NELL1: variants seen among roughly 807,000 people sequenced by gnomAD.
NELL1 encodes the protein protein kinase C-binding protein NELL1.
NELL1 carries 76 observed loss-of-function variants against 107.4 expected under a neutral mutation model. That is an observed-to-expected ratio of 0.71 (90% CI 0.59 to 0.86). The LOEUF is 0.86. NELL1 is among the 40% of genes least tolerant of loss of function. NELL1 has a pLI of 0.00. For synonymous variants in NELL1, 353 were observed against 341.2 expected (o/e 1.03, Z -0.38); for missense variants, 1,024 against 1,005.5 (o/e 1.02, Z -0.25).
intron 14 of NELL1, among the ~76,000 whole-genome samples, chr11:21,247,514 T>C (rs1247650069): frequency 1.3e-5 from 2 of 152,152 alleles, no homozygotes; most frequent in African/African-American, 4.8e-5. Flanking sequence ...TATCACTGTC[T>C]TCCACCTCCA....
chr11:21,571,797 A>G lies in NELL1; in HGVS notation c.2157+857A>G, dbSNP rs111266466. On this transcript the variant is annotated intron_variant, in intron 18 of 19. Transcript: ENST00000357134. ...AGACTTCTAGGACACATTGTCATGG[A>G]ATGTGATGTCCCATATGTAAAGTCA... Among the ~76,000 whole-genome samples the G allele has an allele frequency of 1.3e-3, 204 of 151,978 alleles. 3 individuals carry two copies. Among genetic ancestry groups the G allele is most frequent in the African/African-American group, 4.5e-3 (188 of 41,528 alleles).
At chr11:21,138,295 C>T (rs1855789310) in intron 13 of NELL1, among the ~76,000 whole-genome samples, 1 of 152,090 alleles carries the variant, frequency 6.6e-6, no homozygotes, top group Non-Finnish European at 1.5e-5. Flanking sequence ...ATGTGAAGTT[C>T]CATCATTACC....
intron 14 of NELL1, among the ~76,000 whole-genome samples, chr11:21,317,018 GT>G (rs1285668815): frequency 6.6e-6 from 1 of 151,882 alleles, no homozygotes; most frequent in Non-Finnish European, 1.5e-5. Context: ...CTTTATTCTA[GT>G]TAATATATTT....
At chr11:20,936,387 T>C (rs1269234789) in intron 9 of NELL1, among the ~76,000 whole-genome samples, 2 of 152,188 alleles carry the variant, frequency 1.3e-5, no homozygotes, top group South Asian at 2.1e-4. Context: ...TGGATCTCCA[T>C]GTACCACAGC....
At chr11:20,707,168 G>A (rs979953133) in intron 2 of NELL1, among the ~76,000 whole-genome samples, 2 of 152,152 alleles carry the variant, frequency 1.3e-5, no homozygotes, top group African/African-American at 4.8e-5. Flanking sequence ...ACTGAAGCTT[G>A]TGCGTTTGTC....
At chr11:21,517,196 C>T (rs980849354) in intron 15 of NELL1, among the ~76,000 whole-genome samples, 1 of 152,080 alleles carries the variant, frequency 6.6e-6, no homozygotes, top group African/African-American at 2.4e-5. Context: ...TCATGGGGAC[C>T]TCAACTTTTC....
At chr11:20,743,352 T>TAA (rs984851074) in intron 2 of NELL1, among the ~76,000 whole-genome samples, 1 of 146,856 alleles carries the variant, frequency 6.8e-6, no homozygotes, top group African/African-American at 2.5e-5. Flanking sequence ...GACTCTGTCT[T>TAA]AAAAAAAAAA....
At chr11:21,191,197 C>T (rs541631203) in intron 13 of NELL1, among the ~76,000 whole-genome samples, 6 of 151,278 alleles carry the variant, frequency 4.0e-5, no homozygotes, top group Non-Finnish European at 7.4e-5. Flanking sequence ...ATCAGCTGAC[C>T]CTGAGATAGT....
intron 13 of NELL1, among the ~76,000 whole-genome samples, chr11:21,146,485 C>T (rs1287264520): frequency 6.6e-6 from 1 of 152,120 alleles, no homozygotes; most frequent in African/African-American, 2.4e-5. Context: ...TCGCCTTTAT[C>T]ACCTCATAGC....
intron 15 of NELL1, among the ~76,000 whole-genome samples, chr11:21,398,289 GTCCCCT>G (rs375245906): frequency 1.1e-3 from 170 of 151,718 alleles, no homozygotes; most frequent in African/African-American, 3.8e-3. Context: ...TACAAAGTGT[GTCCCCT>G]GAGGCTCTCT....
At chr11:21,309,280 G>GTATATATATATAA (rs1849684202) in intron 14 of NELL1, among the ~76,000 whole-genome samples, 3 of 108,620 alleles carry the variant, frequency 2.8e-5, no homozygotes, top group Admixed American at 1.1e-4. Context: ...ATATATATAT[G>GTATATATATATAA]TATATATATA....
chr11:21,440,905 A>C (rs1404941901), intron 15 of NELL1, among the ~76,000 whole-genome samples: 1 of 152,160 alleles, frequency 6.6e-6, no homozygotes, highest in African/African-American at 2.4e-5. Flanking sequence ...TATTGCTTAT[A>C]GACCAGAATT....
At chr11:21,259,685 G>A (rs577840445) in intron 14 of NELL1, among the ~76,000 whole-genome samples, 1 of 151,956 alleles carries the variant, frequency 6.6e-6, no homozygotes, top group South Asian at 2.1e-4. Context: ...AAAAGAAGAT[G>A]CAAAATACTA....
At chr11:21,319,270 G>A (rs1849950705) in intron 14 of NELL1, among the ~76,000 whole-genome samples, 1 of 151,492 alleles carries the variant, frequency 6.6e-6, no homozygotes, top group African/African-American at 2.4e-5. Flanking sequence ...CCACCTTCTG[G>A]GTTCAAACAA....
rs999002782 is a variant in NELL1, at chr11:21,565,213, T to G, written c.1980+4831T>G. On this transcript the variant is annotated intron_variant, in intron 17 of 19. Coordinates refer to ENST00000357134, the MANE Select transcript of NELL1 (RefSeq NM_006157.5). Reference sequence around the variant, plus strand: ...TGCAAGCTGTAAGATTGTGTTTCTTTTCCTTGGAAAGAGGAACTTATTGGT... The same window carrying G: ...TGCAAGCTGTAAGATTGTGTTTCTTGTCCTTGGAAAGAGGAACTTATTGGT... Among the ~76,000 whole-genome samples, 4 of 151,962 alleles carry G rather than the reference T, an allele frequency of 2.6e-5. No individual in the cohort carries two copies. In the South Asian group the frequency reaches 8.3e-4, roughly 32 times the overall value.
At chr11:21,383,615 C>A (rs1424542962) in intron 15 of NELL1, among the ~76,000 whole-genome samples, 1 of 150,414 alleles carries the variant, frequency 6.6e-6, no homozygotes, top group Admixed American at 6.7e-5. Context: ...AACCTCTGAG[C>A]TTTTGTTTGG....
At chr11:21,134,315 A>ATTG (rs959164583) in intron 13 of NELL1, among the ~76,000 whole-genome samples, 4 of 152,018 alleles carry the variant, frequency 2.6e-5, no homozygotes, top group African/African-American at 9.7e-5. Context: ...TTTTGTCCTT[A>ATTG]TTGTTGTTGT....
At chr11:21,122,329 C>G (rs1855386943) in intron 13 of NELL1, among the ~76,000 whole-genome samples, 1 of 152,200 alleles carries the variant, frequency 6.6e-6, no homozygotes, top group Non-Finnish European at 1.5e-5. Flanking sequence ...TTAGCGCTTA[C>G]AAAATTGTTG....
intron 12 of NELL1, among the ~76,000 whole-genome samples, chr11:21,056,487 T>TA (rs1853618583): frequency 6.6e-6 from 1 of 152,034 alleles, no homozygotes; most frequent in Non-Finnish European, 1.5e-5. Flanking sequence ...TGTTGTCATC[T>TA]AAAAAAATGA....
Sources: gnomAD v4.1 joint callset for allele counts (sites outside exome capture counted in the v4.1 genomes callset) on GRCh38, gnomAD v4.1.1 for gene constraint, MANE v1.5 for transcripts, NCBI Gene and HGNC (gene_info 2026-07-23, HGNC 2026-07-21) for gene names.